The following EYS variants were observed in gnomAD, a reference collection of about 807,000 sequenced individuals.
EYS encodes the protein protein eyes shut homolog.
EYS carries 250 observed loss-of-function variants against 282.1 expected under a neutral mutation model. The ratio of observed to expected loss-of-function variants is 0.89; its 90% CI spans 0.80 to 0.98. EYS has a LOEUF of 0.98. EYS is among the 50% of genes least tolerant of loss of function. The probability of loss-of-function intolerance (pLI) is 0.00; values close to 1 mark genes in which losing one functional copy is unlikely to be tolerated. For synonymous variants in EYS, 1,355 were observed against 1,282.9 expected (o/e 1.06, Z -1.20); for missense variants, 4,016 against 3,709.0 (o/e 1.08, Z -2.15).
At chr6:65,438,420 A>G (rs1768172370) in intron 5 of EYS, among the ~76,000 whole-genome samples, 1 of 152,190 alleles carries the variant, frequency 6.6e-6, no homozygotes, top group Non-Finnish European at 1.5e-5. Flanking sequence ...TAGATCCTTG[A>G]GGAATCGCCA....
chr6:65,402,703 G>A, intron 6 of EYS, 98 bp from the exon 7 acceptor site: 1 of 790,820 alleles, frequency 1.3e-6, no homozygotes, highest in Non-Finnish European at 2.1e-6. Context: ...TTATTTTCAT[G>A]AACTTGGAGT....
At chr6:65,188,097 T>C (rs1235043486) in intron 12 of EYS, among the ~76,000 whole-genome samples, 1 of 151,584 alleles carries the variant, frequency 6.6e-6, no homozygotes, top group African/African-American at 2.4e-5. Flanking sequence ...AAATAAATCA[T>C]AGTGAAAGGT....
At chr6:63,755,933 C>A (rs887788723) in intron 41 of EYS, among the ~76,000 whole-genome samples, 1 of 151,712 alleles carries the variant, frequency 6.6e-6, no homozygotes, top group Non-Finnish European at 1.5e-5. Flanking sequence ...GGCTGTTTGT[C>A]TATTATTGGT....
At chr6:65,369,325 T>C (rs954823735) in intron 8 of EYS, among the ~76,000 whole-genome samples, 8 of 143,298 alleles carry the variant, frequency 5.6e-5, no homozygotes, top group Non-Finnish European at 1.1e-4. Context: ...ATTATATATA[T>C]ATATTTATAT....
At chr6:64,626,707 G>A (rs1004489488) in intron 22 of EYS, among the ~76,000 whole-genome samples, 3 of 152,278 alleles carry the variant, frequency 2.0e-5, no homozygotes, top group African/African-American at 4.8e-5. Flanking sequence ...GAGGGAACAT[G>A]GCCTTGCTGA....
intron 33 of EYS, among the ~76,000 whole-genome samples, chr6:64,034,756 C>A (rs146830458): frequency 6.6e-6 from 1 of 152,012 alleles, no homozygotes; most frequent in Non-Finnish European, 1.5e-5. Flanking sequence ...AGGAAATAAT[C>A]CATCTATGGC....
intron 31 of EYS, among the ~76,000 whole-genome samples, chr6:64,121,768 G>A (rs1191492227): frequency 6.6e-6 from 1 of 152,012 alleles, no homozygotes; most frequent in Non-Finnish European, 1.5e-5. Flanking sequence ...TTTCTATTAG[G>A]TGTGACACCA....
At chr6:64,552,945 A>G (rs116642686) in intron 26 of EYS, among the ~76,000 whole-genome samples, 1,548 of 136,134 alleles carry the variant, frequency 0.011, 33 homozygotes, top group African/African-American at 0.037. Context: ...CCAAAAAAAG[A>G]AAAAGAAAAT....
At chr6:65,167,908 A>G (rs1160705022) in intron 12 of EYS, among the ~76,000 whole-genome samples, 33 of 151,064 alleles carry the variant, frequency 2.2e-4, no homozygotes, top group Admixed American at 6.6e-5. Flanking sequence ...TTATGTTTCT[A>G]TATTTTGTTT....
At chr6:63,821,853 G>A (rs1253086554) in intron 36 of EYS, 1 of 152,144 alleles carries the variant, frequency 6.6e-6, no homozygotes, top group East Asian at 1.9e-4. Context: ...TCCAGCCATG[G>A]GGTCTCCAAA....
intron 23 of EYS, among the ~76,000 whole-genome samples, chr6:64,622,187 A>G (rs191994023): frequency 1.3e-5 from 2 of 152,200 alleles, no homozygotes; most frequent in East Asian, 1.9e-4. Flanking sequence ...CCTGAGCTCC[A>G]CTTGTCAAGT....
intron 12 of EYS, among the ~76,000 whole-genome samples, chr6:65,175,255 G>A (rs535418862): frequency 1.3e-5 from 2 of 151,410 alleles, no homozygotes; most frequent in Non-Finnish European, 3.0e-5. Flanking sequence ...AGCATTGATA[G>A]AATGTTCAAC....
intron 2 of EYS, among the ~76,000 whole-genome samples, chr6:65,513,869 G>T (rs1767006523): frequency 6.6e-6 from 1 of 152,152 alleles, no homozygotes; most frequent in Non-Finnish European, 1.5e-5. Context: ...CATTCCCTTT[G>T]AAAACTGGCA....
At chr6:63,820,073 G>T (rs528919954) in intron 36 of EYS, among the ~76,000 whole-genome samples, 2 of 152,276 alleles carry the variant, frequency 1.3e-5, no homozygotes, top group East Asian at 3.9e-4. Context: ...CTGTCAGATT[G>T]CATTCTAAAA....
chr6:64,045,562 C>T (rs1004284641), intron 33 of EYS, among the ~76,000 whole-genome samples: 2 of 151,614 alleles, frequency 1.3e-5, no homozygotes, highest in Non-Finnish European at 2.9e-5. Flanking sequence ...TCTCCTGCCT[C>T]AGCCTCCTGA....
chr6:63,743,094 T>C (rs1432729481), intron 41 of EYS, among the ~76,000 whole-genome samples: 1 of 152,228 alleles, frequency 6.6e-6, no homozygotes, highest in African/African-American at 2.4e-5. Context: ...TAACCAACAA[T>C]ATGTGAGGGA....
chr6:65,523,383 T>C (rs895934250), intron 2 of EYS, among the ~76,000 whole-genome samples: 1 of 152,082 alleles, frequency 6.6e-6, no homozygotes, highest in Non-Finnish European at 1.5e-5. Flanking sequence ...TGAAACAACA[T>C]AGGTAAATCT....
At chr6:63,847,880 T>C (rs931064755) in intron 36 of EYS, among the ~76,000 whole-genome samples, 3 of 152,332 alleles carry the variant, frequency 2.0e-5, no homozygotes, top group South Asian at 4.1e-4. Context: ...TGAATACTTT[T>C]CAATGTACTT....
At chr6:65,033,689 C>G (rs572718512) in intron 13 of EYS, among the ~76,000 whole-genome samples, 1 of 152,274 alleles carries the variant, frequency 6.6e-6, no homozygotes, top group East Asian at 1.9e-4. Context: ...TATGAGAAAG[C>G]CTGGGTGCTC....
Sources: allele counts gnomAD v4.1 joint callset (sites outside exome capture counted in the v4.1 genomes callset), GRCh38; gene constraint gnomAD v4.1.1; transcripts MANE v1.5; gene names NCBI Gene and HGNC (gene_info 2026-07-23, HGNC 2026-07-21).